EML5: variants seen among roughly 807,000 people sequenced by gnomAD.
The protein encoded by EML5 is EMAP like 5, also known as echinoderm microtubule-associated protein-like 5.
In EML5, 120 loss-of-function variants were observed where a neutral mutation model predicts 250.0. That is an observed-to-expected ratio of 0.48 (90% CI 0.41 to 0.56). The LOEUF (loss-of-function observed/expected upper bound fraction) is 0.56, where lower values mean the gene tolerates loss of function less well. EML5 is among the 20% of genes least tolerant of loss of function. The pLI, the probability that EML5 is intolerant of heterozygous loss-of-function variation, is 0.00. For missense variants in EML5, 2,006 were observed against 2,437.6 expected, an observed-to-expected ratio of 0.82 and a Z score of 3.73; for synonymous variants, 771 against 806.5, an observed-to-expected ratio of 0.96 and a Z score of 0.75.
intron 7 of EML5, among the ~76,000 whole-genome samples, chr14:88,729,583 A>C (rs1328006850): frequency 6.6e-6 from 1 of 150,986 alleles, no homozygotes; most frequent in Non-Finnish European, 1.5e-5. Context: ...TTTTTTTGAG[A>C]CAGAGTCTCA....
At chr14:88,737,157 T>G (rs1252842393) in intron 6 of EML5, among the ~76,000 whole-genome samples, 1 of 152,150 alleles carries the variant, frequency 6.6e-6, no homozygotes, top group East Asian at 1.9e-4. Context: ...CAGACAGAGC[T>G]GTAACCATGC....
At chr14:88,646,479 G>T (rs952531414) in intron 29 of EML5, among the ~76,000 whole-genome samples, 1 of 152,102 alleles carries the variant, frequency 6.6e-6, no homozygotes, top group Non-Finnish European at 1.5e-5. Context: ...TTCAAAGAAT[G>T]ATAGAAGCCT....
At chr14:88,728,726 G>A (rs2093706209) in intron 7 of EML5, among the ~76,000 whole-genome samples, 1 of 151,974 alleles carries the variant, frequency 6.6e-6, no homozygotes. Flanking sequence ...GTTGTTCAAG[G>A]AATAACTGTA....
intron 1 of EML5, among the ~76,000 whole-genome samples, chr14:88,772,675 C>G (rs1359966484): frequency 6.6e-6 from 1 of 152,038 alleles, no homozygotes; most frequent in Non-Finnish European, 1.5e-5. Context: ...ATCGCTTGAA[C>G]CTGGGAGGCG....
At chr14:88,665,745 A>T (rs1414809063) in intron 21 of EML5, among the ~76,000 whole-genome samples, 4 of 152,070 alleles carry the variant, frequency 2.6e-5, no homozygotes, top group Admixed American at 2.6e-4. Context: ...GAAGACAGGT[A>T]AGTAAGTAAA....
At position 88,625,050 on chromosome 14, in the gene EML5, C is replaced by T. The variant is rs372615702; in HGVS notation, c.4818G>A (p.Ala1606=). The change falls in exon 36 of 44, where the codon GCG becomes GCA. Residue 1606 remains alanine (A), a synonymous_variant. Transcript: ENST00000554922. ...WKDHILCRIV[A]RAHNGPVFAM... is the part of the protein sequence containing the mutation. Reference sequence around the variant, plus strand: ...CAAACACAGGCCCGTTGTGAGCTCTCGCCACGATTCTACACAATATGTGAT... The same window carrying T: ...CAAACACAGGCCCGTTGTGAGCTCTTGCCACGATTCTACACAATATGTGAT... 3.6e-5 allele frequency: 58 copies of T among 1,613,754 alleles called. No homozygotes were observed. The highest frequency in any genetic ancestry group is 9.3e-5 in the African/African-American group (7 of 74,976).
chr14:88,636,343 G>C (rs920552219), intron 32 of EML5, among the ~76,000 whole-genome samples: 4 of 152,144 alleles, frequency 2.6e-5, no homozygotes, highest in Non-Finnish European at 5.9e-5. Context: ...AATGTAGTTG[G>C]AGGGTGCCAA....
At chr14:88,743,750 G>C (rs2093961608) in intron 4 of EML5, among the ~76,000 whole-genome samples, 1 of 152,006 alleles carries the variant, frequency 6.6e-6, no homozygotes, top group South Asian at 2.1e-4. Flanking sequence ...TGAAGAAACA[G>C]GATGGACACA....
intron 4 of EML5, among the ~76,000 whole-genome samples, chr14:88,743,513 C>T (rs1428421713): frequency 6.6e-6 from 1 of 152,214 alleles, no homozygotes; most frequent in African/African-American, 2.4e-5. Context: ...CTTGAATATA[C>T]ACTGCCGCCT....
intron 14 of EML5, among the ~76,000 whole-genome samples, chr14:88,700,027 T>C (rs2093172233): frequency 6.6e-6 from 1 of 152,134 alleles, no homozygotes; most frequent in African/African-American, 2.4e-5. Flanking sequence ...TTATACTACA[T>C]TGTGAGCTCC....
chr14:88,688,310 C>T lies in EML5; in HGVS notation c.2703G>A (p.Ala901=), dbSNP rs118043831. The T allele has an allele frequency of 2.2e-3, 3,531 of 1,613,902 alleles. 9 individuals are homozygous for T. Among genetic ancestry groups the T allele is most frequent in the Middle Eastern group, 7.3e-3 (44 of 6,060 alleles). ...RDIFLVKTVK[A]HDGPVFSMHA... ...GCATACTGAACACTGGCCCATCATG[C>T]GCTTTCACTGTTTTTACAAGAAAGA... is the stretch of plus-strand genomic sequence containing the variant. Residue 901 remains alanine, a synonymous_variant, in exon 18 of 44, where the codon GCG becomes GCA. Coordinates refer to ENST00000554922, the MANE Select transcript of EML5 (RefSeq NM_183387.3).
chr14:88,681,867 G>C, intron 21 of EML5, 23 bp downstream of exon 21: 2 of 1,585,268 alleles, frequency 1.3e-6, no homozygotes, highest in Non-Finnish European at 1.7e-6. Context: ...CTTAATCTAC[G>C]TTCAAGTGTG....
intron 40 of EML5, 68 bp from the exon 41 acceptor site, chr14:88,618,399 C>T: frequency 2.2e-6 from 3 of 1,365,618 alleles, no homozygotes; most frequent in East Asian, 4.6e-5. Context: ...AGGGGGTTTA[C>T]AGAATACTAG....
At chr14:88,724,299 G>A (rs2093635315) in intron 8 of EML5, among the ~76,000 whole-genome samples, 1 of 149,294 alleles carries the variant, frequency 6.7e-6, no homozygotes, top group South Asian at 2.1e-4. Context: ...AAAAAGTTAT[G>A]TTCAGTAATG....
chr14:88,739,611 T>A (rs1375370872), intron 5 of EML5, among the ~76,000 whole-genome samples: 1 of 152,184 alleles, frequency 6.6e-6, no homozygotes, highest in Non-Finnish European at 1.5e-5. Context: ...TAGGTAACTT[T>A]GGGCTGTGAG....
rs10138646 is a variant in EML5 at position 88,650,957 on chromosome 14, G to T, written c.4005-1031C>A. Among the ~76,000 whole-genome samples the T allele has an allele frequency of 3.9e-3, 587 of 152,144 alleles. 6 individuals carry two copies. The highest frequency in any genetic ancestry group is 0.013 in the African/African-American group (560 of 41,504). On this transcript the variant is annotated intron_variant, in intron 27 of 43. Coordinates refer to ENST00000554922, the MANE Select transcript of EML5 (RefSeq NM_183387.3). ...GCACCTGGCCTGTTTTCCATATAAA[G>T]TGCTTTATTTCATATTTATGACAGT...
intron 14 of EML5, among the ~76,000 whole-genome samples, chr14:88,701,007 C>T (rs753121931): frequency 6.1e-4 from 93 of 152,072 alleles, no homozygotes; most frequent in Middle Eastern, 3.4e-3. Flanking sequence ...AGAATGCTTT[C>T]CCCCAACTTC....
rs189821374 is a variant in EML5, at chr14:88,743,118, C to T, written c.525+905G>A. On this transcript the variant is annotated intron_variant, in intron 4 of 43. Transcript: ENST00000554922. ...CTTTCATAAGCAAAGTAAATAGTGG[C>T]TATCAAGGCTGAGAGAGGGACAAGG... Among the ~76,000 whole-genome samples, 183 of 152,088 alleles carry T rather than the reference C, an allele frequency of 1.2e-3. 1 individual carries two copies. The highest frequency in any genetic ancestry group is 4.1e-3 in the African/African-American group (171 of 41,512).
Position 88,658,330 on chromosome 14 carries a change from C to G in EML5, c.3734G>C (p.Arg1245Pro). ...CAACATGCTGTCATCATAAGTCCAG[C>G]GAACATTTGTGACATGTGTACTATG... ...VAHSTHVTNV[R>P]WTYDDSMLVT... The change falls in exon 26 of 44, where the codon CGC becomes CCC. Residue 1245 changes from arginine (R) to proline (P), a missense_variant. By Grantham distance (103) the Arg-to-Pro change is moderately radical. Transcript: ENST00000554922. 6.2e-7 allele frequency: 1 copy of G among 1,613,740 alleles called. No homozygotes were observed. The highest frequency in any genetic ancestry group is 8.5e-7 in the Non-Finnish European group (1 of 1,179,780).
Sources: gnomAD v4.1 joint callset for allele counts (sites outside exome capture counted in the v4.1 genomes callset) on GRCh38, gnomAD v4.1.1 for gene constraint, MANE v1.5 for transcripts, NCBI Gene and HGNC (gene_info 2026-07-23, HGNC 2026-07-21) for gene names.